GARNL3: variants seen among roughly 807,000 people sequenced by gnomAD.
The protein encoded by GARNL3 is GTPase activating Rap/RanGAP domain like 3, also known as GTPase-activating Rap/Ran-GAP domain-like protein 3.
Under a neutral mutation model 125.0 loss-of-function variants are expected in GARNL3, and 63 were observed. The ratio of observed to expected loss-of-function variants is 0.50; its 90% CI spans 0.41 to 0.62. The LOEUF (loss-of-function observed/expected upper bound fraction) is 0.62, where lower values mean the gene tolerates loss of function less well. Among genes scored for constraint, GARNL3 ranks in the 20% least tolerant of loss-of-function variants. The probability of loss-of-function intolerance (pLI) is 0.00; values close to 1 mark genes in which losing one functional copy is unlikely to be tolerated. For missense variants in GARNL3, 994 were observed against 1,244.0 expected, an observed-to-expected ratio of 0.80 and a Z score of 3.02; for synonymous variants, 439 against 457.5, an observed-to-expected ratio of 0.96 and a Z score of 0.52.
chr9:127,266,968 G>A lies in GARNL3; in HGVS notation c.144+1947G>A, dbSNP rs1001905859. On this transcript the variant is annotated intron_variant, in intron 1 of 27. Coordinates refer to ENST00000373387, the MANE Select transcript of GARNL3 (RefSeq NM_032293.5). The surrounding 1 kb of genome is among the most constrained non-coding windows in gnomAD (Gnocchi z 4.0). Reference sequence around the variant, plus strand: ...AGCAGACATCAGAACTCTCTGGAAGGCTGATTAAAACATAGATTGCTGGGC... The same window carrying A: ...AGCAGACATCAGAACTCTCTGGAAGACTGATTAAAACATAGATTGCTGGGC... Among the ~76,000 whole-genome samples the A allele has an allele frequency of 2.0e-5, 3 of 152,170 alleles. No homozygotes were observed. Among genetic ancestry groups the A allele is most frequent in the African/African-American group, 4.8e-5 (2 of 41,434 alleles).
At chr9:127,241,854 A>G (rs924773035) in intron 1 of GARNL3, among the ~76,000 whole-genome samples, 2 of 151,836 alleles carry the variant, frequency 1.3e-5, no homozygotes, top group South Asian at 2.1e-4. Flanking sequence ...TGCAACCTCT[A>G]CCTCCTGGGT....
chr9:127,354,530 G>A (rs1830585001), intron 19 of GARNL3, 120 bp downstream of exon 19: 1 of 605,548 alleles, frequency 1.7e-6, no homozygotes, highest in Non-Finnish European at 2.9e-6. Context: ...TTTTTGTTTG[G>A]AAACATCACA....
At chr9:127,303,388 AT>A (rs1348312007) in intron 2 of GARNL3, among the ~76,000 whole-genome samples, 4 of 152,218 alleles carry the variant, frequency 2.6e-5, no homozygotes, top group Non-Finnish European at 5.9e-5. Flanking sequence ...ATCTGGGATT[AT>A]TCAGACCAAT....
chr9:127,318,484 G>A (rs2065301431), intron 5 of GARNL3, among the ~76,000 whole-genome samples: 1 of 152,080 alleles, frequency 6.6e-6, no homozygotes, highest in South Asian at 2.1e-4. Context: ...CTTTTTTCTT[G>A]CATGCACTCA....
chr9:127,338,541 G>A (rs1829678301), intron 12 of GARNL3, among the ~76,000 whole-genome samples: 3 of 152,198 alleles, frequency 2.0e-5, no homozygotes, highest in Non-Finnish European at 4.4e-5. Flanking sequence ...ATAGATTTGA[G>A]TTCGAATCCC....
At chr9:127,367,259 T>A (rs1831335839) in intron 22 of GARNL3, 1 of 152,250 alleles carries the variant, frequency 6.6e-6, no homozygotes, top group African/African-American at 2.4e-5. Context: ...TGTTCTTGAC[T>A]TGATCACAGA....
intron 22 of GARNL3, among the ~76,000 whole-genome samples, chr9:127,380,339 A>G (rs566504999): frequency 6.6e-6 from 1 of 152,270 alleles, no homozygotes; most frequent in Admixed American, 6.5e-5. Context: ...AAACACAGAA[A>G]AAAATAACAA....
chr9:127,253,399 A>G (rs936169186), intron 2 of GARNL3, among the ~76,000 whole-genome samples: 1 of 152,216 alleles, frequency 6.6e-6, no homozygotes, highest in African/African-American at 2.4e-5. Flanking sequence ...GCTTGCATTC[A>G]TTCACACTTT....
At chr9:127,349,073 G>A in intron 17 of GARNL3, 38 bp downstream of exon 17, 1 of 1,358,294 alleles carries the variant, frequency 7.4e-7, no homozygotes, top group Non-Finnish European at 1.1e-6. Context: ...TCTTTTTCAT[G>A]TAACTTGTAG....
intron 22 of GARNL3, among the ~76,000 whole-genome samples, chr9:127,377,369 T>C (rs1831977088): frequency 6.6e-6 from 1 of 152,214 alleles, no homozygotes; most frequent in African/African-American, 2.4e-5. Flanking sequence ...TATGCCTCTG[T>C]TTTTAGTTCT....
intron 21 of GARNL3, among the ~76,000 whole-genome samples, chr9:127,360,353 C>G (rs1192260743): frequency 5.3e-5 from 8 of 152,116 alleles, no homozygotes; most frequent in African/African-American, 1.7e-4. Flanking sequence ...AAAAAAAAAC[C>G]CTTCCCTATT....
At position 127,392,854 on chromosome 9, in the gene GARNL3, A is replaced by G. The variant is rs1417184704; in HGVS notation, c.2871-229A>G. On this transcript the variant is annotated intron_variant, in intron 27 of 27. Coordinates refer to ENST00000373387, the MANE Select transcript of GARNL3 (RefSeq NM_032293.5). This position sits in a 1 kb window ranked among gnomAD's most constrained non-coding sequence, Gnocchi z 5.2. ...ATTTGCACTTTAGAAAGGTAGGTAA[A>G]TAATGCCTCACAAACACCTTCCATG... Among the ~76,000 whole-genome samples the G allele has an allele frequency of 6.6e-6, 1 of 152,118 alleles. No individual in the cohort carries two copies. Among genetic ancestry groups the G allele is most frequent in the Non-Finnish European group, 1.5e-5 (1 of 68,032 alleles).
intron 2 of GARNL3, among the ~76,000 whole-genome samples, chr9:127,254,783 A>AG (rs1191662814): frequency 3.3e-5 from 5 of 152,004 alleles, no homozygotes; most frequent in African/African-American, 9.7e-5. Context: ...AAAAAAAAAA[A>AG]CTACCAATTA....
rs1163405872 is a variant in GARNL3, at chr9:127,376,670, G to T, written c.2162-6768G>T. Among the ~76,000 whole-genome samples, 3 of 151,800 alleles carry T rather than the reference G, an allele frequency of 2.0e-5. No individual in the cohort carries two copies. The East Asian group carries it at 5.8e-4, about 29-fold the overall frequency. The stretch of plus-strand genomic sequence containing the variant: ...AGAAAAACAGTACATCTTTTATTCA[G>T]TGACATCCTAGATTCAATGAAATAT... On this transcript the variant is annotated intron_variant, in intron 22 of 27. Coordinates refer to ENST00000373387, the MANE Select transcript of GARNL3 (RefSeq NM_032293.5).
Position 127,354,369 on chromosome 9 carries a change from G to A in GARNL3, c.1718G>A (p.Ser573Asn). The change falls in exon 19 of 28, where the codon AGC (serine) becomes AAC (asparagine). Residue 573 changes from serine to asparagine, a missense_variant. Ser to Asn is a conservative substitution (Grantham distance 46, BLOSUM62 1). Transcript: ENST00000373387. ...KGLEGKQAGK[S>N]RSDCRENKLE... ...CTTGAGGGGAAGCAGGCTGGGAAGA[G>A]CAGGTCTGACTGCAGAGAAAACAAG... is the stretch of plus-strand genomic sequence containing the variant. 2.5e-6 allele frequency: 4 copies of A among 1,613,766 alleles called. No homozygotes were observed. Among genetic ancestry groups the A allele is most frequent in the Non-Finnish European group, 3.4e-6 (4 of 1,179,714 alleles).
At chr9:127,270,278 C>A (rs2063794389) in intron 1 of GARNL3, among the ~76,000 whole-genome samples, 1 of 152,158 alleles carries the variant, frequency 6.6e-6, no homozygotes, top group African/African-American at 2.4e-5. Context: ...TCTCATTGGT[C>A]CATATGTCTG....
intron 2 of GARNL3, among the ~76,000 whole-genome samples, chr9:127,298,911 C>G (rs2064692055): frequency 6.6e-6 from 1 of 152,092 alleles, no homozygotes; most frequent in South Asian, 2.1e-4. Flanking sequence ...GGTGAGGAAG[C>G]CAAATTCAAA....
chr9:127,390,734 A>G lies in GARNL3; in HGVS notation c.2837A>G (p.Lys946Arg), dbSNP rs1454051519. 2.5e-6 allele frequency: 4 copies of G among 1,613,760 alleles called. No individual in the cohort carries two copies. The African/African-American group carries it at 4.0e-5, about 16-fold the overall frequency. ...KRLEESQGGP[K>R]PGAVRSSSSD... ...TTAGAAGAAAGCCAAGGAGGCCCCA[A>G]GCCAGGGGCAGTGAGGTCATCTAGC... Residue 946 changes from lysine to arginine, a missense_variant, in exon 27 of 28, where the codon AAG (lysine) becomes AGG (arginine). Physicochemically the swap from Lys to Arg is conservative, Grantham distance 26 (BLOSUM62 2). Coordinates refer to ENST00000373387, the MANE Select transcript of GARNL3 (RefSeq NM_032293.5).
intron 12 of GARNL3, 138 bp from the exon 13 acceptor site, chr9:127,339,507 T>A: frequency 1.6e-6 from 1 of 643,252 alleles, no homozygotes; most frequent in Admixed American, 2.4e-5. Context: ...CTGGCCCCCA[T>A]GATTCAGTTA....
Sources: allele counts gnomAD v4.1 joint callset (sites outside exome capture counted in the v4.1 genomes callset), GRCh38; gene constraint gnomAD v4.1.1; non-coding constraint Gnocchi (gnomAD v3.1); transcripts MANE v1.5; gene names NCBI Gene and HGNC (gene_info 2026-07-23, HGNC 2026-07-21).